The following RMC1 variants were observed in gnomAD, a reference collection of about 807,000 sequenced individuals.
RMC1 encodes the protein regulator of MON1-CCZ1 complex.
In RMC1, 44 loss-of-function variants were observed where a neutral mutation model predicts 95.5. The ratio of observed to expected loss-of-function variants is 0.46; its 90% CI spans 0.36 to 0.59. The LOEUF is 0.59. Among genes scored for constraint, RMC1 ranks in the 20% least tolerant of loss-of-function variants. The pLI, the probability that RMC1 is intolerant of heterozygous loss-of-function variation, is 0.00. For missense variants in RMC1, 705 were observed against 819.6 expected, an observed-to-expected ratio of 0.86 and a Z score of 1.71; for synonymous variants, 320 against 303.6, an observed-to-expected ratio of 1.05 and a Z score of -0.56.
Position 23,520,208 on chromosome 18 carries a change from G to C in RMC1, c.856G>C (p.Val286Leu). ...VVHHQDTETS[V>L]IFDIKLRGEF... ...TTGTCTTTTTCCCCCCCAGACATCG[G>C]TAATATTCGATATCAAGTTACGGGG... Residue 286 changes from valine (V) to leucine (L), a missense_variant, in exon 10 of 20, where the codon GTA (valine) becomes CTA (leucine). By Grantham distance (32) the Val-to-Leu change is conservative. Coordinates refer to ENST00000269221, the MANE Select transcript of RMC1 (RefSeq NM_013326.5). 6.2e-7 allele frequency: 1 copy of C among 1,612,906 alleles called. No individual in the cohort carries two copies. The highest frequency in any genetic ancestry group is 8.5e-7 in the Non-Finnish European group (1 of 1,178,914).
Position 23,520,233 on chromosome 18 carries a change from G to A in RMC1, c.881G>A (p.Gly294Glu), listed in dbSNP as rs777706980. ...TSVIFDIKLRGEFDGSVTFHH... is the reference protein window; with the variant it reads ...TSVIFDIKLREEFDGSVTFHH... ...GTAATATTCGATATCAAGTTACGGG[G>A]AGAGTTTGACGGCTCCGTTACCTTC... Residue 294 changes from glycine (G) to glutamate (E), a missense_variant, in exon 10 of 20, where the codon GGA becomes GAA. Gly to Glu is a moderately conservative substitution (Grantham distance 98). Transcript: ENST00000269221. 3.1e-6 allele frequency: 5 copies of A among 1,613,982 alleles called. No individual in the cohort carries two copies. In the Admixed American group the frequency reaches 8.3e-5, roughly 27 times the overall value.
chr18:23,513,847 G>C (rs186304456), intron 5 of RMC1, among the ~76,000 whole-genome samples: 1 of 152,080 alleles, frequency 6.6e-6, no homozygotes. Flanking sequence ...TGACTAATTC[G>C]GGTCATTGTG....
At chr18:23,531,046 G>A (rs1424870373) in intron 19 of RMC1, among the ~76,000 whole-genome samples, 1 of 152,104 alleles carries the variant, frequency 6.6e-6, no homozygotes, top group Non-Finnish European at 1.5e-5. Flanking sequence ...CCAGGCTGGA[G>A]TGCAGTGGTG....
chr18:23,520,165 T>A (rs773334610), intron 9 of RMC1, 37 bp from the exon 10 acceptor site: 3 of 1,513,352 alleles, frequency 2.0e-6, no homozygotes, highest in Admixed American at 1.7e-5. Flanking sequence ...CAAACCATGA[T>A]TGATTTTGGC....
chr18:23,531,429 AGGT>A, intron 19 of RMC1, 193 bp from the exon 20 acceptor site: 1 of 1,151,576 alleles, frequency 8.7e-7, no homozygotes, highest in Non-Finnish European at 1.2e-6. Context: ...CCATAAGGAC[AGGT>A]TAGATAGAAT....
chr18:23,518,789 A>C, intron 7 of RMC1, 101 bp from the exon 8 acceptor site: 1 of 1,031,180 alleles, frequency 9.7e-7, no homozygotes, highest in Non-Finnish European at 1.5e-6. Flanking sequence ...AAAATACTCC[A>C]TTAAGTGAAT....
chr18:23,525,485 T>C (rs2058271446), intron 12 of RMC1, among the ~76,000 whole-genome samples: 1 of 151,830 alleles, frequency 6.6e-6, no homozygotes, highest in Admixed American at 6.6e-5. Context: ...AGTGCAGTGG[T>C]GCCATCTCGG....
At position 23,509,183 on chromosome 18, in the gene RMC1, T is replaced by C. The variant is rs770907130; in HGVS notation, c.322-10T>C. On this transcript the variant is annotated splice_polypyrimidine_tract_variant and intron_variant, in intron 4 of 19. Transcript: ENST00000269221. ...ATTAATTAAAAATATTTTTAAAAAA[T>C]TTTTCTTAGACTAAGAATGCCAACA... 17 of 1,291,328 alleles carry C rather than the reference T, an allele frequency of 1.3e-5. No homozygotes were observed. 80.0% of individuals were successfully genotyped at this position (1,291,328 alleles called of 1,614,324 possible).
chr18:23,530,556 TC>T lies in RMC1; in HGVS notation c.1840del (p.Arg614AlafsTer38), dbSNP rs1368008541. The T allele has an allele frequency of 6.2e-7, 1 of 1,614,180 alleles. No individual in the cohort carries two copies. Among genetic ancestry groups the T allele is most frequent in the South Asian group, 1.1e-5 (1 of 91,078 alleles). Reference sequence around the variant, plus strand: ...GACAACATGCTTTTCTATACAATATTCCGCTTTTTTGAACAGCGAAACCAGC... The same window carrying T: ...GACAACATGCTTTTCTATACAATATTCGCTTTTTTGAACAGCGAAACCAGC... ...TEDNMLFYTI[F>X]RFFEQRNQRL... On this transcript the variant is annotated frameshift_variant, in exon 19 of 20. Coordinates refer to ENST00000269221, the MANE Select transcript of RMC1 (RefSeq NM_013326.5). LOFTEE classifies it high-confidence loss of function.
At chr18:23,522,133 G>A (rs533630575) in intron 10 of RMC1, among the ~76,000 whole-genome samples, 1 of 152,358 alleles carries the variant, frequency 6.6e-6, no homozygotes, top group South Asian at 2.1e-4. Context: ...GCCCTGTCTT[G>A]CTGGACCAGC....
intron 12 of RMC1, 140 bp downstream of exon 12, chr18:23,524,622 TCACTTTATACG>T: frequency 1.3e-6 from 1 of 778,558 alleles, no homozygotes; most frequent in African/African-American, 1.8e-5. Context: ...TTTTTTTTTT[TCACTTTATACG>T]TTTTTTACTA....
intron 14 of RMC1, 147 bp from the exon 15 acceptor site, chr18:23,529,032 C>A: frequency 3.0e-6 from 4 of 1,320,000 alleles, no homozygotes; most frequent in Non-Finnish European, 4.1e-6. Flanking sequence ...GGCATGCGCA[C>A]AGGAAAAAGT....
intron 12 of RMC1, among the ~76,000 whole-genome samples, chr18:23,525,169 C>T (rs1362747205): frequency 2.6e-5 from 4 of 151,750 alleles, no homozygotes; most frequent in East Asian, 2.0e-4. Context: ...TGGTCTCAAA[C>T]TCCCAACCTC....
chr18:23,520,360 G>T, intron 10 of RMC1, 47 bp downstream of exon 10: 1 of 1,441,888 alleles, frequency 6.9e-7, no homozygotes, highest in East Asian at 2.3e-5. Context: ...TTCACCATGT[G>T]GCTGTGTTCT....
At position 23,516,146 on chromosome 18, in the gene RMC1, G is replaced by C. The variant is rs184835941; in HGVS notation, c.549+150G>C. ...TAGAGGGCACTCTGTATACCCGTCA[G>C]CTCCTGGAGCCATTCATTCTATGCT... On this transcript the variant is annotated intron_variant, in intron 6 of 19. Transcript: ENST00000269221. The C allele has an allele frequency of 4.5e-5, 61 of 1,348,246 alleles. No homozygotes were observed. In the African/African-American group the frequency reaches 7.7e-4, roughly 17 times the overall value. 83.5% of individuals were successfully genotyped at this position (1,348,246 alleles called of 1,614,324 possible).
At chr18:23,503,813 C>CTCCTG (rs1358637293) in intron 1 of RMC1, 93 bp downstream of exon 1, 5 of 1,110,528 alleles carry the variant, frequency 4.5e-6, no homozygotes, top group Middle Eastern at 2.3e-4. Flanking sequence ...CGAGCGTCCC[C>CTCCTG]TCCTGTCCTG....
intron 13 of RMC1, 39 bp downstream of exon 13, chr18:23,526,804 G>C (rs762951594): frequency 1.2e-6 from 2 of 1,608,278 alleles, no homozygotes; most frequent in South Asian, 2.2e-5. Context: ...ATTCCAGTGT[G>C]AGGCCTGTGC....
At chr18:23,517,736 T>C (rs73390286) in intron 7 of RMC1, among the ~76,000 whole-genome samples, 4,124 of 152,106 alleles carry the variant, frequency 0.027, 152 homozygotes, top group African/African-American at 0.095. Flanking sequence ...TTAAATTTTT[T>C]TTGGAGAGTG....
chr18:23,516,440 G>A lies in RMC1; in HGVS notation c.653+17G>A, dbSNP rs575941945. On this transcript the variant is annotated intron_variant, in intron 7 of 19. Transcript: ENST00000269221. ...GGCTACCATGTATGTCCGTGTCAGAGAGAATTCCATCCTGTGATTGCTTTC... is the reference window on the plus strand; with the variant it reads ...GGCTACCATGTATGTCCGTGTCAGAAAGAATTCCATCCTGTGATTGCTTTC... 2.0e-5 allele frequency: 32 copies of A among 1,609,270 alleles called. No individual in the cohort carries two copies. Among genetic ancestry groups the A allele is most frequent in the African/African-American group, 1.6e-4 (12 of 74,942 alleles).
Sources: gnomAD v4.1 joint callset for allele counts (sites outside exome capture counted in the v4.1 genomes callset) on GRCh38, gnomAD v4.1.1 for gene constraint, MANE v1.5 for transcripts, NCBI Gene and HGNC (gene_info 2026-07-23, HGNC 2026-07-21) for gene names.